The following MAP3K5 variants were observed in gnomAD, a reference collection of about 807,000 sequenced individuals.
The protein encoded by MAP3K5 is mitogen-activated protein kinase kinase kinase 5, also known as ASK-1.
A neutral mutation model predicts 158.7 loss-of-function variants in MAP3K5; 56 were observed. That is an observed-to-expected ratio of 0.35 (90% CI 0.28 to 0.44). The LOEUF (loss-of-function observed/expected upper bound fraction) is 0.44, where lower values mean the gene tolerates loss of function less well. Among genes scored for constraint, MAP3K5 ranks in the 20% least tolerant of loss-of-function variants. MAP3K5 has a pLI of 1.00. For missense variants in MAP3K5, 1,294 were observed against 1,674.8 expected, an observed-to-expected ratio of 0.77 and a Z score of 3.97; for synonymous variants, 579 against 601.7, an observed-to-expected ratio of 0.96 and a Z score of 0.55.
At chr6:136,623,440 G>A (rs941549513) in intron 14 of MAP3K5, among the ~76,000 whole-genome samples, 1 of 152,140 alleles carries the variant, frequency 6.6e-6, no homozygotes, top group Non-Finnish European at 1.5e-5. Context: ...AGAAGAAAAT[G>A]TTGACATCTT....
At position 136,583,635 on chromosome 6, in the gene MAP3K5, A is replaced by T. The variant is rs762746909; in HGVS notation, c.3331T>A (p.Ser1111Thr). Residue 1111 changes from serine to threonine, a missense_variant, in exon 24 of 30, where the codon TCA becomes ACA. Around this residue, in one of 5 missense-constraint regions of MAP3K5, gnomAD observed 362 missense variants for 463.2 expected, o/e 0.78. Transcript: ENST00000359015. ...AAGTCCAGCTCCAGTTTCAGCTTTG[A>T]CAGTGTGGTGGCTATGATTTTTCGG... is the stretch of plus-strand genomic sequence containing the variant. ...TDRKIIATTL[S>T]KLKLELDFDS... The T allele has an allele frequency of 6.2e-7, 1 of 1,614,242 alleles. No homozygotes were observed.
chr6:136,751,076 C>G (rs1410063827), intron 1 of MAP3K5, among the ~76,000 whole-genome samples: 1 of 151,218 alleles, frequency 6.6e-6, no homozygotes, highest in Non-Finnish European at 1.5e-5. Flanking sequence ...CCCCGAGTAG[C>G]ATTCTTTTGC....
At chr6:136,737,773 G>A (rs1447747315) in intron 1 of MAP3K5, among the ~76,000 whole-genome samples, 2 of 152,210 alleles carry the variant, frequency 1.3e-5, no homozygotes, top group Non-Finnish European at 2.9e-5. Flanking sequence ...ACCTTCAAGT[G>A]CAATGGCTGG....
chr6:136,565,501 G>C (rs1774060034), intron 26 of MAP3K5, among the ~76,000 whole-genome samples: 1 of 152,170 alleles, frequency 6.6e-6, no homozygotes, highest in African/African-American at 2.4e-5. Context: ...GTGCAATCAT[G>C]GCTCACTGTA....
chr6:136,791,619 C>T (rs1002324537), intron 1 of MAP3K5, 91 bp downstream of exon 1: 1 of 1,420,022 alleles, frequency 7.0e-7, no homozygotes, highest in Non-Finnish European at 9.8e-7. Context: ...GAAGTAAATG[C>T]TTCCCGCCCA....
intron 12 of MAP3K5, among the ~76,000 whole-genome samples, chr6:136,641,552 C>G (rs970729543): frequency 6.6e-6 from 1 of 151,806 alleles, no homozygotes; most frequent in Non-Finnish European, 1.5e-5. Flanking sequence ...ATGGCATTTT[C>G]TAAGCTACTG....
chr6:136,670,196 C>T (rs2114530083), intron 7 of MAP3K5, among the ~76,000 whole-genome samples: 1 of 152,126 alleles, frequency 6.6e-6, no homozygotes, highest in Non-Finnish European at 1.5e-5. Context: ...GAAAATACTT[C>T]AATATTTAAA....
intron 2 of MAP3K5, among the ~76,000 whole-genome samples, chr6:136,716,530 AGAT>A (rs1436404544): frequency 1.3e-5 from 2 of 151,068 alleles, no homozygotes; most frequent in Non-Finnish European, 3.0e-5. Flanking sequence ...TAGTGATAAG[AGAT>A]GGTTCATTAA....
At chr6:136,581,655 C>T (rs1774884305) in intron 24 of MAP3K5, among the ~76,000 whole-genome samples, 1 of 152,198 alleles carries the variant, frequency 6.6e-6, no homozygotes, top group South Asian at 2.1e-4. Flanking sequence ...TCAAACTCCC[C>T]TAGTTTGGAA....
At chr6:136,640,556 T>G (rs758309869) in intron 12 of MAP3K5, among the ~76,000 whole-genome samples, 2 of 152,178 alleles carry the variant, frequency 1.3e-5, no homozygotes, top group Non-Finnish European at 2.9e-5. Flanking sequence ...ACAGAAAGAC[T>G]TCCTCTTACA....
Position 136,737,035 on chromosome 6 carries a change from G to GCATATATATATATATATATATATA in MAP3K5, c.449-16447_449-16446insTATATATATATATATATATATATG, listed in dbSNP as rs1554308004. Among the ~76,000 whole-genome samples the GCATATATATATATATATATATATA allele has an allele frequency of 7.6e-5, 9 of 118,706 alleles. No individual in the cohort carries two copies. The South Asian group carries it at 1.1e-3, about 15-fold the overall frequency. The allele number at this position is 118,706 out of a possible 152,430, so 77.9% of individuals were successfully genotyped here. A position where few individuals can be genotyped will look rare whatever the true frequency, so the allele number is the denominator to read the frequency against. The stretch of plus-strand genomic sequence containing the variant: ...ATTAATTTTACATATATATATGTGT[G>GCATATATATATATATATATATATA]TGTATATATATATATATATATAAAC... On this transcript the variant is annotated intron_variant, in intron 1 of 29. Transcript: ENST00000359015.
chr6:136,634,587 C>T (rs1461839185), intron 14 of MAP3K5, among the ~76,000 whole-genome samples: 10 of 147,502 alleles, frequency 6.8e-5, no homozygotes, highest in African/African-American at 2.5e-4. Context: ...TTTTTCTTTT[C>T]TTTTTTTTTT....
In MAP3K5 at chr6:136,557,690, C is replaced by T. The variant is rs902008907; in HGVS notation, c.*68G>A. On this transcript the variant is annotated 3_prime_UTR_variant, in exon 30 of 30. Transcript: ENST00000359015. Reference sequence around the variant, plus strand: ...CCTTTCTCCTCTCCCTTCGATTTTCCCACCCCCAAGAAGATCAGCTCTGTA... The same window carrying T: ...CCTTTCTCCTCTCCCTTCGATTTTCTCACCCCCAAGAAGATCAGCTCTGTA... 8 of 1,146,312 alleles carry T rather than the reference C, an allele frequency of 7.0e-6. No homozygotes were observed. Among genetic ancestry groups the T allele is most frequent in the Non-Finnish European group, 1.1e-5 (8 of 757,098 alleles). The allele number at this position is 1,146,312 out of a possible 1,614,324, so 71.0% of individuals were successfully genotyped here. A position where few individuals can be genotyped will look rare whatever the true frequency, so the allele number is the denominator to read the frequency against.
intron 14 of MAP3K5, among the ~76,000 whole-genome samples, chr6:136,623,472 C>G (rs1320780406): frequency 6.6e-6 from 1 of 152,038 alleles, no homozygotes; most frequent in Non-Finnish European, 1.5e-5. Context: ...ATGATAAAGT[C>G]AGGATTATTT....
chr6:136,735,538 T>C (rs1040610914), intron 1 of MAP3K5, among the ~76,000 whole-genome samples: 3 of 152,174 alleles, frequency 2.0e-5, no homozygotes, highest in Non-Finnish European at 2.9e-5. Context: ...AAGAAAAATG[T>C]AGCATGATAG....
At chr6:136,733,400 C>CA (rs1782309952) in intron 1 of MAP3K5, among the ~76,000 whole-genome samples, 1 of 151,950 alleles carries the variant, frequency 6.6e-6, no homozygotes, top group African/African-American at 2.4e-5. Context: ...TATCACTTCA[C>CA]AAAAAAAGTG....
At chr6:136,697,080 T>C (rs1005528470) in intron 5 of MAP3K5, 139 bp downstream of exon 5, 3 of 533,950 alleles carry the variant, frequency 5.6e-6, no homozygotes, top group African/African-American at 3.9e-5. Context: ...AATTATAGGA[T>C]GGAAAGCTTA....
chr6:136,615,601 G>A (rs890663184), intron 15 of MAP3K5, among the ~76,000 whole-genome samples: 1 of 152,190 alleles, frequency 6.6e-6, no homozygotes, highest in Non-Finnish European at 1.5e-5. Flanking sequence ...TTGGAGCCTA[G>A]TGCAGGAGCT....
intron 23 of MAP3K5, among the ~76,000 whole-genome samples, chr6:136,589,060 G>A (rs1775268897): frequency 6.6e-6 from 1 of 152,178 alleles, no homozygotes; most frequent in Non-Finnish European, 1.5e-5. Flanking sequence ...AATTCCTAAG[G>A]CGATAAAATG....
Sources: gnomAD v4.1 joint callset for allele counts (sites outside exome capture counted in the v4.1 genomes callset) on GRCh38, gnomAD v4.1.1 for gene constraint, gnomAD v4.1.1 regional missense constraint, MANE v1.5 for transcripts, NCBI Gene and HGNC (gene_info 2026-07-23, HGNC 2026-07-21) for gene names.